NPY1R: variants seen among roughly 807,000 people sequenced by gnomAD.
The protein encoded by NPY1R is neuropeptide Y receptor Y1.
Under a neutral mutation model 24.1 loss-of-function variants are expected in NPY1R, and 10 were observed. That is an observed-to-expected ratio of 0.42 (90% CI 0.26 to 0.71). The LOEUF (loss-of-function observed/expected upper bound fraction) is 0.71. NPY1R is among the 30% of genes least tolerant of loss of function. The pLI is 0.28. For synonymous variants in NPY1R, 168 were observed against 165.9 expected (o/e 1.01, Z -0.10); for missense variants, 350 against 458.0 (o/e 0.76, Z 2.15).
intron 1 of NPY1R, among the ~76,000 whole-genome samples, chr4:163,340,592 C>T (rs1292667224): frequency 2.0e-5 from 3 of 151,960 alleles, no homozygotes; most frequent in African/African-American, 7.2e-5. Context: ...GTAATGCATG[C>T]TAATTAATGG....
In NPY1R at chr4:163,326,091, G is replaced by C. The variant is rs1476401298; in HGVS notation, c.464C>G (p.Ala155Gly). ...PRGWRPNNRH[A>G]YVGIAVIWVL... ...CCAAATCACAGCAATACCTACATAA[G>C]CATGTCTATTATTTGGTCTCCACCC... Residue 155 changes from alanine to glycine, a missense_variant, in exon 2 of 3, where the codon GCT becomes GGT. Ala to Gly is a moderately conservative substitution (Grantham distance 60, BLOSUM62 0). Coordinates refer to ENST00000296533, the MANE Select transcript of NPY1R (RefSeq NM_000909.6). The C allele has an allele frequency of 6.2e-7, 1 of 1,613,938 alleles. No homozygotes were observed. The highest frequency in any genetic ancestry group is 8.5e-7 in the Non-Finnish European group (1 of 1,179,968).
rs574771218 is a variant in NPY1R, at chr4:163,339,233, T to G, written c.-152+5072A>C. 8.1e-4 allele frequency among the ~76,000 whole-genome samples: 123 copies of G among 152,330 alleles called. 1 individual carries two copies. Among genetic ancestry groups the G allele is most frequent in the African/African-American group, 2.8e-3 (117 of 41,574 alleles). On this transcript the variant is annotated intron_variant, in intron 1 of 1. Transcript: ENST00000511901. The stretch of plus-strand genomic sequence containing the variant: ...GCCTCATACTCTCTCACCTTCATGC[T>G]ATTACAACACTTCTCGATTCTCCAT...
Position 163,326,059 on chromosome 4 carries a change from C to T in NPY1R, c.496G>A (p.Ala166Thr). 1 of 1,614,102 alleles carries T rather than the reference C, an allele frequency of 6.2e-7. No individual in the cohort carries two copies. The highest frequency in any genetic ancestry group is 1.7e-5 in the Admixed American group (1 of 60,024). The change falls in exon 2 of 3, where the codon GCT becomes ACT. Residue 166 changes from alanine to threonine, a missense_variant. Coordinates refer to ENST00000296533, the MANE Select transcript of NPY1R (RefSeq NM_000909.6). ...YVGIAVIWVL[A>T]VASSLPFLIY... ...AGGAAAGGCAAAGAAGAAGCCACAG[C>T]AAGGACCCAAATCACAGCAATACCT...
At chr4:163,328,541 C>T (rs980911110) in intron 1 of NPY1R, among the ~76,000 whole-genome samples, 1 of 152,080 alleles carries the variant, frequency 6.6e-6, no homozygotes, top group South Asian at 2.1e-4. Flanking sequence ...GCTTTTTATC[C>T]TTGTCACCAA....
chr4:163,331,879 G>A (rs1734736756), intron 1 of NPY1R, among the ~76,000 whole-genome samples: 1 of 152,238 alleles, frequency 6.6e-6, no homozygotes, highest in South Asian at 2.1e-4. Context: ...AGCGCGGCTC[G>A]ATTGCAGCCG....
chr4:163,342,713 T>G (rs563826101), intron 1 of NPY1R, among the ~76,000 whole-genome samples: 17 of 152,154 alleles, frequency 1.1e-4, no homozygotes, highest in African/African-American at 4.1e-4. Context: ...ACACAAAAAA[T>G]TTTCTTTGAC....
At chr4:163,330,572 T>A (rs1216464667) in intron 1 of NPY1R, 7 of 152,210 alleles carry the variant, frequency 4.6e-5, no homozygotes, top group Non-Finnish European at 1.0e-4. Context: ...AGAAAATAAT[T>A]TGATATTTAC....
At chr4:163,334,762 A>G (rs915206232), upstream of NPY1R, among the ~76,000 whole-genome samples, 5 of 150,118 alleles carry the variant, frequency 3.3e-5, no homozygotes, top group Admixed American at 1.3e-4. Flanking sequence ...CAGGAGGCTG[A>G]GGCAGGAGAA....
intron 1 of NPY1R, among the ~76,000 whole-genome samples, chr4:163,342,416 A>G (rs1735009679): frequency 6.6e-6 from 1 of 152,178 alleles, no homozygotes; most frequent in African/African-American, 2.4e-5. Flanking sequence ...GAGACAGTGG[A>G]GTTAAGAAAG....
At position 163,329,461 on chromosome 4, in the gene NPY1R, C is replaced by T. The variant is rs182384896; in HGVS notation, c.-151-2756G>A. Among the ~76,000 whole-genome samples the T allele has an allele frequency of 4.6e-5, 7 of 151,928 alleles. No individual in the cohort carries two copies. The South Asian group carries it at 6.2e-4, about 14-fold the overall frequency. On this transcript the variant is annotated intron_variant, in intron 1 of 2. Coordinates refer to ENST00000296533, the MANE Select transcript of NPY1R (RefSeq NM_000909.6). ...ACTAAAAATACAAAAATCAGCCAGG[C>T]GGAGTGGAGCACACCTGTAGTCCCA...
At chr4:163,332,641 C>T (rs996186740), upstream of NPY1R, 2 of 152,536 alleles carry the variant, frequency 1.3e-5, no homozygotes, top group African/African-American at 2.4e-5. Flanking sequence ...AACTCCACCT[C>T]ATCCCGGATC....
chr4:163,343,507 C>T (rs558661795), intron 1 of NPY1R, among the ~76,000 whole-genome samples: 41 of 151,916 alleles, frequency 2.7e-4, no homozygotes, highest in Admixed American at 2.2e-3. Context: ...CCGTCCCCCA[C>T]CCCAAACAAA....
intron 1 of NPY1R, among the ~76,000 whole-genome samples, chr4:163,341,142 C>T (rs1734972086): frequency 6.6e-6 from 1 of 151,696 alleles, no homozygotes; most frequent in African/African-American, 2.4e-5. Context: ...AAGTTGGCTC[C>T]TCATTTGAAG....
intron 1 of NPY1R, among the ~76,000 whole-genome samples, chr4:163,338,814 G>A (rs1734908142): frequency 6.6e-6 from 1 of 152,008 alleles, no homozygotes; most frequent in Admixed American, 6.6e-5. Context: ...GGTTTCCTTG[G>A]ACATTGTGCT....
chr4:163,340,638 T>C (rs893131783), intron 1 of NPY1R, among the ~76,000 whole-genome samples: 1 of 152,058 alleles, frequency 6.6e-6, no homozygotes, highest in African/African-American at 2.4e-5. Context: ...CAAAGGGGAC[T>C]CCAGATCTTC....
intron 1 of NPY1R, among the ~76,000 whole-genome samples, chr4:163,343,538 G>A (rs1735067278): frequency 6.6e-6 from 1 of 151,406 alleles, no homozygotes; most frequent in African/African-American, 2.4e-5. Context: ...GAGAGTCGAA[G>A]CTTGTTCTCA....
intron 1 of NPY1R, among the ~76,000 whole-genome samples, chr4:163,338,639 T>C (rs894462009): frequency 6.6e-6 from 1 of 152,242 alleles, no homozygotes; most frequent in Non-Finnish European, 1.5e-5. Flanking sequence ...TTTAGTGGTC[T>C]TGTTTCTTCC....
chr4:163,342,980 A>T (rs4057788), intron 1 of NPY1R, among the ~76,000 whole-genome samples: 352 of 29,008 alleles, frequency 0.012, 1 homozygote, highest in African/African-American at 0.046. Context: ...TCTCTCTCAC[A>T]GACACACACA....
At chr4:163,342,493 T>G (rs756688956) in intron 1 of NPY1R, among the ~76,000 whole-genome samples, 41 of 152,222 alleles carry the variant, frequency 2.7e-4, no homozygotes, top group Non-Finnish European at 4.6e-4. Flanking sequence ...TACTCCTTAC[T>G]GCAGAATCCC....
Sources: allele counts gnomAD v4.1 joint callset (sites outside exome capture counted in the v4.1 genomes callset), GRCh38; gene constraint gnomAD v4.1.1; transcripts MANE v1.5; gene names NCBI Gene and HGNC (gene_info 2026-07-23, HGNC 2026-07-21).